The following FNDC3A variants were observed in gnomAD, a reference collection of about 807,000 sequenced individuals.
FNDC3A encodes the protein fibronectin type-III domain-containing protein 3A.
Under a neutral mutation model 148.9 loss-of-function variants are expected in FNDC3A, and 32 were observed. That is an observed-to-expected ratio of 0.21 (90% CI 0.16 to 0.29). The LOEUF (loss-of-function observed/expected upper bound fraction) is 0.29. Ranked by LOEUF, FNDC3A falls within the 10% of genes least tolerant of loss-of-function variation. FNDC3A has a pLI of 1.00. For synonymous variants in FNDC3A, 472 were observed against 473.6 expected, an observed-to-expected ratio of 1.00 and a Z score of 0.04; for missense variants, 1,191 against 1,452.8, an observed-to-expected ratio of 0.82 and a Z score of 2.93.
At chr13:49,161,212 C>T (rs954839613) in intron 8 of FNDC3A, among the ~76,000 whole-genome samples, 1 of 152,152 alleles carries the variant, frequency 6.6e-6, no homozygotes, top group Non-Finnish European at 1.5e-5. Context: ...CTAATGTTGA[C>T]AGTGGGGTGT....
At chr13:49,058,245 C>T (rs1444063037) in intron 2 of FNDC3A, among the ~76,000 whole-genome samples, 1 of 152,066 alleles carries the variant, frequency 6.6e-6, no homozygotes, top group Non-Finnish European at 1.5e-5. Flanking sequence ...ATCGATTGAG[C>T]AAGCAGGAGG....
At chr13:49,103,784 C>T (rs1055576586) in intron 3 of FNDC3A, among the ~76,000 whole-genome samples, 17 of 152,156 alleles carry the variant, frequency 1.1e-4, no homozygotes, top group South Asian at 2.1e-4. Flanking sequence ...TTAAGATTAA[C>T]TTATCATGGG....
At chr13:49,193,527 G>A (rs1440910773) in intron 19 of FNDC3A, among the ~76,000 whole-genome samples, 1 of 152,132 alleles carries the variant, frequency 6.6e-6, no homozygotes, top group Non-Finnish European at 1.5e-5. Context: ...CTCCCAAAGA[G>A]GTGGGATTAC....
intron 2 of FNDC3A, among the ~76,000 whole-genome samples, chr13:49,035,907 T>C (rs575048809): frequency 6.6e-6 from 1 of 152,288 alleles, no homozygotes; most frequent in Admixed American, 6.5e-5. Flanking sequence ...GTTAGTTTGA[T>C]AATATTCTTA....
At chr13:49,053,692 G>A (rs1323223144) in intron 2 of FNDC3A, among the ~76,000 whole-genome samples, 1 of 152,160 alleles carries the variant, frequency 6.6e-6, no homozygotes, top group Non-Finnish European at 1.5e-5. Context: ...AGGCGTTGTG[G>A]AGACCAGCGT....
intron 1 of FNDC3A, among the ~76,000 whole-genome samples, chr13:48,980,903 A>G (rs138636511): frequency 9.5e-4 from 145 of 152,308 alleles, no homozygotes; most frequent in Non-Finnish European, 1.7e-3. Context: ...GTACAGATGT[A>G]TAAGATGGGA....
At chr13:48,982,424 G>A (rs937584373) in intron 1 of FNDC3A, among the ~76,000 whole-genome samples, 3 of 152,012 alleles carry the variant, frequency 2.0e-5, no homozygotes, top group Admixed American at 2.0e-4. Context: ...ATTAGGATCA[G>A]CTTTTCCTGA....
chr13:49,062,467 T>C (rs1419439469), intron 2 of FNDC3A, among the ~76,000 whole-genome samples: 1 of 152,220 alleles, frequency 6.6e-6, no homozygotes, highest in Non-Finnish European at 1.5e-5. Flanking sequence ...CTTATCTTTT[T>C]CCATCACATT....
At chr13:48,989,858 T>C (rs1466387041) in intron 1 of FNDC3A, among the ~76,000 whole-genome samples, 1 of 152,100 alleles carries the variant, frequency 6.6e-6, no homozygotes, top group Non-Finnish European at 1.5e-5. Context: ...TTCAAGCGAT[T>C]CTCCTGCTTC....
intron 8 of FNDC3A, among the ~76,000 whole-genome samples, chr13:49,153,078 C>G (rs910183722): frequency 2.6e-5 from 4 of 151,874 alleles, no homozygotes; most frequent in Non-Finnish European, 5.9e-5. Flanking sequence ...CTTCTAGATC[C>G]CTGAGGAATC....
intron 1 of FNDC3A, among the ~76,000 whole-genome samples, chr13:49,005,675 A>G (rs1043504867): frequency 1.3e-5 from 2 of 151,862 alleles, no homozygotes; most frequent in African/African-American, 2.4e-5. Context: ...GAAAAATCAT[A>G]ATTTTTCTTG....
chr13:48,991,701 A>C (rs1252647401), intron 1 of FNDC3A, among the ~76,000 whole-genome samples: 5 of 152,098 alleles, frequency 3.3e-5, no homozygotes, highest in Non-Finnish European at 5.9e-5. Flanking sequence ...AAAAAGAAAA[A>C]AGGAAAAAAA....
At chr13:49,032,229 C>T (rs968965186) in intron 2 of FNDC3A, among the ~76,000 whole-genome samples, 33 of 151,954 alleles carry the variant, frequency 2.2e-4, no homozygotes, top group African/African-American at 8.0e-4. Flanking sequence ...AATAGCCTGG[C>T]AGTTCCTAAG....
At chr13:49,018,882 C>T (rs942717531) in intron 2 of FNDC3A, among the ~76,000 whole-genome samples, 14 of 152,240 alleles carry the variant, frequency 9.2e-5, no homozygotes, top group African/African-American at 3.1e-4. Context: ...CAGTCTGCCC[C>T]TGCTGGGGGT....
At chr13:49,181,090 T>A (rs1885278573) in intron 14 of FNDC3A, among the ~76,000 whole-genome samples, 1 of 152,076 alleles carries the variant, frequency 6.6e-6, no homozygotes, top group Non-Finnish European at 1.5e-5. Flanking sequence ...CTTAATAATA[T>A]TAACTAATTA....
At chr13:49,072,156 C>T (rs933165751) in intron 2 of FNDC3A, among the ~76,000 whole-genome samples, 5 of 152,102 alleles carry the variant, frequency 3.3e-5, no homozygotes, top group Non-Finnish European at 5.9e-5. Context: ...TTAGGTCTTA[C>T]ATTTAAATCT....
chr13:49,091,154 G>A (rs1207396846), intron 3 of FNDC3A, among the ~76,000 whole-genome samples: 2 of 151,994 alleles, frequency 1.3e-5, no homozygotes, highest in Non-Finnish European at 2.9e-5. Context: ...AGCCAACTCT[G>A]GGGAAAGAGA....
At chr13:49,115,765 T>C (rs1405555517) in intron 4 of FNDC3A, among the ~76,000 whole-genome samples, 5 of 152,222 alleles carry the variant, frequency 3.3e-5, no homozygotes, top group Non-Finnish European at 7.3e-5. Context: ...TACTTTTGTT[T>C]AGCACACTGA....
At chr13:49,016,543 A>C (rs1169545320) in intron 2 of FNDC3A, among the ~76,000 whole-genome samples, 1 of 152,082 alleles carries the variant, frequency 6.6e-6, no homozygotes, top group African/African-American at 2.4e-5. Context: ...TGATCCTTTC[A>C]AAAAACCAGC....
Sources: allele counts gnomAD v4.1 joint callset (sites outside exome capture counted in the v4.1 genomes callset), GRCh38; gene constraint gnomAD v4.1.1; transcripts MANE v1.5; gene names NCBI Gene and HGNC (gene_info 2026-07-23, HGNC 2026-07-21).